Variants in HFM1 observed in about 807,000 individuals in gnomAD.
The protein encoded by HFM1 is probable ATP-dependent DNA helicase HFM1.
HFM1 carries 169 observed loss-of-function variants against 192.1 expected under a neutral mutation model. The ratio of observed to expected loss-of-function variants is 0.88; its 90% CI spans 0.78 to 1.00. The LOEUF is 1.00. Ranked by LOEUF, HFM1 falls within the 50% of genes least tolerant of loss-of-function variation. The pLI, the probability that HFM1 is intolerant of heterozygous loss-of-function variation, is 0.00. For missense variants in HFM1, 1,661 were observed against 1,668.0 expected (o/e 1.00, Z 0.07); for synonymous variants, 525 against 537.8 (o/e 0.98, Z 0.33).
At chr1:91,297,582 C>A (rs550503862) in intron 30 of HFM1, among the ~76,000 whole-genome samples, 1 of 152,334 alleles carries the variant, frequency 6.6e-6, no homozygotes, top group East Asian at 1.9e-4. Flanking sequence ...GGGTACCCCT[C>A]TGAGACAAAA....
chr1:91,337,762 C>T (rs536921069), intron 20 of HFM1, among the ~76,000 whole-genome samples: 1 of 152,304 alleles, frequency 6.6e-6, no homozygotes, highest in South Asian at 2.1e-4. Flanking sequence ...TGTGAGCACA[C>T]AGCATGAAGA....
At chr1:91,327,626 A>G (rs1653113168) in intron 20 of HFM1, among the ~76,000 whole-genome samples, 1 of 152,190 alleles carries the variant, frequency 6.6e-6, no homozygotes, top group South Asian at 2.1e-4. Flanking sequence ...TATAGACCAA[A>G]TGGACCTGAT....
chr1:91,300,677 C>A (rs1570863005), intron 30 of HFM1, among the ~76,000 whole-genome samples: 1 of 152,170 alleles, frequency 6.6e-6, no homozygotes, highest in Non-Finnish European at 1.5e-5. Flanking sequence ...GAATCAACAA[C>A]AAAAACCACA....
At chr1:91,365,674 T>C (rs1659199626) in intron 13 of HFM1, among the ~76,000 whole-genome samples, 1 of 152,134 alleles carries the variant, frequency 6.6e-6, no homozygotes, top group Non-Finnish European at 1.5e-5. Context: ...GGATGAATTA[T>C]TTTTATGATA....
At chr1:91,380,768 C>A in intron 7 of HFM1, 144 bp downstream of exon 7, 1 of 548,914 alleles carries the variant, frequency 1.8e-6, no homozygotes, top group East Asian at 3.5e-5. Flanking sequence ...ATTCATTTAC[C>A]AAATATTTTC....
chr1:91,334,956 T>G (rs1654378401), intron 20 of HFM1, among the ~76,000 whole-genome samples: 1 of 151,432 alleles, frequency 6.6e-6, no homozygotes, highest in East Asian at 1.9e-4. Context: ...GTTACTGGAT[T>G]CGATAAGTTG....
intron 34 of HFM1, among the ~76,000 whole-genome samples, chr1:91,270,232 G>A (rs1043411734): frequency 1.3e-5 from 2 of 152,120 alleles, no homozygotes; most frequent in Non-Finnish European, 2.9e-5. Context: ...AGATGTGCAG[G>A]AGGCAAAATA....
At chr1:91,373,305 T>C (rs1395883690) in intron 13 of HFM1, among the ~76,000 whole-genome samples, 1 of 152,096 alleles carries the variant, frequency 6.6e-6, no homozygotes, top group Non-Finnish European at 1.5e-5. Flanking sequence ...TCCCCCACCA[T>C]ACAAAATTAG....
In HFM1 at chr1:91,366,643, G is replaced by A. The variant is rs146638440; in HGVS notation, c.1685+8715C>T. ...TTAGAAAATTAATAAGAGGTGGGTG[G>A]AGCCAAGATGGACAAATAGGAACAG... On this transcript the variant is annotated intron_variant, in intron 13 of 38. Coordinates refer to ENST00000370425, the MANE Select transcript of HFM1 (RefSeq NM_001017975.6). 5.3e-3 allele frequency among the ~76,000 whole-genome samples: 811 copies of A among 152,302 alleles called. 4 individuals carry two copies. The highest frequency in any genetic ancestry group is 0.019 in the African/African-American group (779 of 41,568).
intron 23 of HFM1, 88 bp from the exon 24 acceptor site, chr1:91,319,478 A>T (rs1341967827): frequency 2.5e-6 from 2 of 797,018 alleles, no homozygotes; most frequent in Non-Finnish European, 4.2e-6. Context: ...ATTCCTTCTT[A>T]AAACTTTTCT....
At chr1:91,318,227 C>G (rs145259788) in intron 25 of HFM1, among the ~76,000 whole-genome samples, 4,526 of 152,202 alleles carry the variant, frequency 0.03, 122 homozygotes, top group Admixed American at 0.087. Flanking sequence ...CCCACTTCAC[C>G]CCAGCTCCCA....
At chr1:91,349,484 G>GTC (rs901884182) in intron 18 of HFM1, among the ~76,000 whole-genome samples, 2 of 152,008 alleles carry the variant, frequency 1.3e-5, no homozygotes, top group South Asian at 2.1e-4. Flanking sequence ...CTCTGTCTCT[G>GTC]TCTCTCTCTC....
chr1:91,334,517 T>A (rs1654297670), intron 20 of HFM1, among the ~76,000 whole-genome samples: 1 of 152,278 alleles, frequency 6.6e-6, no homozygotes, highest in Middle Eastern at 3.4e-3. Flanking sequence ...TTGAGCAATA[T>A]TTTAATTAAA....
intron 2 of HFM1, among the ~76,000 whole-genome samples, chr1:91,399,702 G>A (rs1664082124): frequency 6.6e-6 from 1 of 151,840 alleles, no homozygotes; most frequent in Non-Finnish European, 1.5e-5. Context: ...CTTTCTATAG[G>A]AATTATCAAA....
At chr1:91,349,283 C>G (rs1156731250) in intron 18 of HFM1, among the ~76,000 whole-genome samples, 1 of 11,972 alleles carries the variant, frequency 8.4e-5, no homozygotes, top group Non-Finnish European at 1.8e-4. Context: ...GAGAGGCTAT[C>G]TCAAAAAAAA....
Position 91,316,471 on chromosome 1 carries a change from T to C in HFM1, c.2818A>G (p.Thr940Ala), listed in dbSNP as rs371246671. Residue 940 changes from threonine (T) to alanine (A), a missense_variant, in exon 26 of 39, where the codon ACA becomes GCA. Physicochemically the swap from Thr to Ala is moderately conservative, Grantham distance 58. Coordinates refer to ENST00000370425, the MANE Select transcript of HFM1 (RefSeq NM_001017975.6). ...GCATTTACGATTGCATTTGACAATG[T>C]TATACCTGTGGAAAATTAATCAAAC... ...VSKQLEKIGI[T>A]LSNAIVNAGL... 1.1e-5 allele frequency: 16 copies of C among 1,466,568 alleles called. No individual in the cohort carries two copies. Among genetic ancestry groups the C allele is most frequent in the Non-Finnish European group, 1.5e-5 (16 of 1,086,386 alleles). 90.8% of individuals were successfully genotyped at this position (1,466,568 alleles called of 1,614,324 possible). A position where few individuals can be genotyped will look rare whatever the true frequency, so the allele number is the denominator to read the frequency against.
intron 3 of HFM1, among the ~76,000 whole-genome samples, chr1:91,395,439 C>T (rs1663541822): frequency 6.6e-6 from 1 of 151,948 alleles, no homozygotes; most frequent in South Asian, 2.1e-4. Context: ...TTGGTGGGCA[C>T]TATTTTGTTT....
At chr1:91,392,096 A>G (rs1036556460) in intron 4 of HFM1, among the ~76,000 whole-genome samples, 19 of 152,180 alleles carry the variant, frequency 1.2e-4, no homozygotes, top group African/African-American at 4.3e-4. Context: ...GTCAGGAAAC[A>G]ACAGGTGCTG....
intron 13 of HFM1, among the ~76,000 whole-genome samples, chr1:91,364,626 A>ATTTTTT (rs1468902149): frequency 4.6e-5 from 2 of 43,354 alleles, no homozygotes; most frequent in Non-Finnish European, 9.7e-5. Context: ...ATATATATAT[A>ATTTTTT]TATATATTTT....
Sources: allele counts gnomAD v4.1 joint callset (sites outside exome capture counted in the v4.1 genomes callset), GRCh38; gene constraint gnomAD v4.1.1; transcripts MANE v1.5; gene names NCBI Gene and HGNC (gene_info 2026-07-23, HGNC 2026-07-21).